ZNF284: variants seen among roughly 807,000 people sequenced by gnomAD.
The protein encoded by ZNF284 is zinc finger protein 284.
In ZNF284, 12 loss-of-function variants were observed where a neutral mutation model predicts 12.9. The observed-to-expected ratio is 0.93, with a 90% CI of 0.60 to 1.51. The LOEUF (loss-of-function observed/expected upper bound fraction) is 1.51. Among genes scored for constraint, ZNF284 ranks in the 40% most tolerant of loss-of-function variants. The pLI is 0.00. For synonymous variants in ZNF284, 225 were observed against 236.5 expected (o/e 0.95, Z 0.45); for missense variants, 667 against 707.3 (o/e 0.94, Z 0.65).
intron 2 of ZNF284, among the ~76,000 whole-genome samples, chr19:44,080,158 C>T (rs529307492): frequency 5.3e-5 from 8 of 152,318 alleles, no homozygotes; most frequent in Admixed American, 2.0e-4. Context: ...AGCACACACA[C>T]TCAGTGTGAT....
chr19:44,085,671 A>T (rs1288620791), intron 4 of ZNF284, 43 bp from the exon 5 acceptor site: 1 of 1,509,622 alleles, frequency 6.6e-7, no homozygotes, highest in South Asian at 1.3e-5. Context: ...ACACTGAACA[A>T]AGGTTTCACT....
intron 2 of ZNF284, 148 bp downstream of exon 2, chr19:44,076,552 G>A: frequency 1.3e-6 from 1 of 780,846 alleles, no homozygotes; most frequent in Non-Finnish European, 2.0e-6. Flanking sequence ...TTTCTTTTGT[G>A]TTGAATTTGC....
intron 2 of ZNF284, among the ~76,000 whole-genome samples, chr19:44,079,818 T>C (rs112561046): frequency 0.057 from 8,588 of 151,828 alleles, 733 homozygotes; most frequent in African/African-American, 0.19. Context: ...ATCCCAGCTA[T>C]TCAGGAGGCT....
At chr19:44,083,474 T>TATAG (rs746837013) in intron 4 of ZNF284, among the ~76,000 whole-genome samples, 1,867 of 64,814 alleles carry the variant, frequency 0.029, 83 homozygotes, top group Non-Finnish European at 0.041. Flanking sequence ...TATATATATA[T>TATAG]AGAGAGAGAG....
At chr19:44,084,752 A>G (rs1342960010) in intron 4 of ZNF284, among the ~76,000 whole-genome samples, 2 of 152,150 alleles carry the variant, frequency 1.3e-5, no homozygotes, top group South Asian at 4.1e-4. Context: ...GGGCATGTCC[A>G]TGGGGCTTCA....
intron 1 of ZNF284, among the ~76,000 whole-genome samples, chr19:44,074,380 AT>A (rs1010968317): frequency 5.3e-5 from 8 of 151,272 alleles, no homozygotes; most frequent in African/African-American, 1.9e-4. Context: ...AAAAAAAAAA[AT>A]ATTTAACGTT....
At position 44,087,280 on chromosome 19, in the gene ZNF284, G is replaced by A. The variant is rs753316007; in HGVS notation, c.*20G>A. 2 of 1,466,614 alleles carry A rather than the reference G, an allele frequency of 1.4e-6. No homozygotes were observed. Among genetic ancestry groups the A allele is most frequent in the Non-Finnish European group, 1.8e-6 (2 of 1,094,638 alleles). 90.9% of individuals were successfully genotyped at this position (1,466,614 alleles called of 1,614,324 possible). A position where few individuals can be genotyped will look rare whatever the true frequency, so the allele number is the denominator to read the frequency against. On this transcript the variant is annotated 3_prime_UTR_variant, in exon 5 of 5. Coordinates refer to ENST00000421176, the MANE Select transcript of ZNF284 (RefSeq NM_001037813.4). ...ATATAATTATTGTCCATATTTATGG[G>A]TTACAGCATATTTCAATACATGTAT...
intron 2 of ZNF284, among the ~76,000 whole-genome samples, chr19:44,078,313 C>T (rs538472944): frequency 1.3e-5 from 2 of 152,158 alleles, no homozygotes; most frequent in East Asian, 1.9e-4. Flanking sequence ...TGATAATCTG[C>T]TTTTGGCTAT....
At chr19:44,081,927 CA>C in intron 3 of ZNF284, 85 bp from the exon 4 acceptor site, 1 of 1,040,534 alleles carries the variant, frequency 9.6e-7, no homozygotes. Flanking sequence ...TATCAGTGTT[CA>C]AGTTCGAGTG....
rs746837013 is a variant in ZNF284 at position 44,083,474 on chromosome 19, T to TATATATAGAG, written c.235+1370_235+1371insTATATAGAGA. Among the ~76,000 whole-genome samples the TATATATAGAG allele has an allele frequency of 9.1e-4, 59 of 64,912 alleles. 1 individual carries two copies. The highest frequency in any genetic ancestry group is 2.4e-3 in the African/African-American group (48 of 20,190). The allele number at this position is 64,912 out of a possible 152,430, so 42.6% of individuals were successfully genotyped here. A position where few individuals can be genotyped will look rare whatever the true frequency, so the allele number is the denominator to read the frequency against. On this transcript the variant is annotated intron_variant, in intron 4 of 4. Transcript: ENST00000421176. ...AAATATATATATATATATATATATA[T>TATATATAGAG]AGAGAGAGAGAGAGAGAGAGAGAGA...
chr19:44,086,438 T>C lies in ZNF284; in HGVS notation c.960T>C (p.Cys320=), dbSNP rs530667290. 2.5e-6 allele frequency: 4 copies of C among 1,614,068 alleles called. No individual in the cohort carries two copies. In the Admixed American group the frequency reaches 6.7e-5, roughly 27 times the overall value. The part of the protein sequence containing the change: ...MQEKSFRCDT[C]SNSFGQRSAL... ...AGAAATCATTTAGATGTGATACCTG[T>C]AGTAATAGCTTTGGTCAGAGATCAG... The change falls in exon 5 of 5, where the codon TGT becomes TGC. Residue 320 remains cysteine, a synonymous_variant. Transcript: ENST00000421176.
chr19:44,081,150 A>T lies in ZNF284; in HGVS notation c.142+9A>T. 1 of 1,607,996 alleles carries T rather than the reference A, an allele frequency of 6.2e-7. No individual in the cohort carries two copies. The highest frequency in any genetic ancestry group is 8.5e-7 in the Non-Finnish European group (1 of 1,176,146). On this transcript the variant is annotated intron_variant, in intron 3 of 4. Transcript: ENST00000421176. Reference sequence around the variant, plus strand: ...AAACCTGCTATCAGTGGGTGAGCACAGGCACCCTCTGTAATGGAACATCAG... The same window carrying T: ...AAACCTGCTATCAGTGGGTGAGCACTGGCACCCTCTGTAATGGAACATCAG...
intron 3 of ZNF284, among the ~76,000 whole-genome samples, chr19:44,081,420 C>T (rs1466827301): frequency 2.0e-5 from 3 of 151,986 alleles, no homozygotes; most frequent in Non-Finnish European, 4.4e-5. Flanking sequence ...CTTATAAAAC[C>T]ATCAGATAGG....
intron 2 of ZNF284, among the ~76,000 whole-genome samples, 165 bp downstream of exon 2, chr19:44,076,569 A>C (rs1260920518): frequency 6.6e-6 from 1 of 151,946 alleles, no homozygotes; most frequent in Non-Finnish European, 1.5e-5. Flanking sequence ...TTGCGTTTGG[A>C]TTTGATTTTG....
chr19:44,081,918 A>C, intron 3 of ZNF284, 95 bp from the exon 4 acceptor site: 1 of 918,208 alleles, frequency 1.1e-6, no homozygotes, highest in Non-Finnish European at 1.7e-6. Context: ...GCCAAACCAT[A>C]TCAGTGTTCA....
chr19:44,079,183 A>G (rs1751818975), intron 2 of ZNF284, among the ~76,000 whole-genome samples: 1 of 152,242 alleles, frequency 6.6e-6, no homozygotes, highest in Admixed American at 6.5e-5. Context: ...ATAAAATTAA[A>G]TATTCATTAT....
chr19:44,081,422 T>C (rs1055083866), intron 3 of ZNF284, among the ~76,000 whole-genome samples: 8 of 151,914 alleles, frequency 5.3e-5, no homozygotes, highest in African/African-American at 1.9e-4. Context: ...TATAAAACCA[T>C]CAGATAGGGC....
rs1292302011 is a variant in ZNF284 at position 44,086,471 on chromosome 19, T to C, written c.993T>C (p.Asn331=). 2 of 1,614,190 alleles carry C rather than the reference T, an allele frequency of 1.2e-6. No individual in the cohort carries two copies. Among genetic ancestry groups the C allele is most frequent in the South Asian group, 1.1e-5 (1 of 91,080 alleles). ...GCTTTGGTCAGAGATCAGCACTTAATAGTCATTGCATGGACCACACAAAAG... is the reference window on the plus strand; with the variant it reads ...GCTTTGGTCAGAGATCAGCACTTAACAGTCATTGCATGGACCACACAAAAG... ...SNSFGQRSAL[N]SHCMDHTKEK... The change falls in exon 5 of 5, where the codon AAT becomes AAC. Residue 331 remains asparagine (N), a synonymous_variant. Transcript: ENST00000421176.
At chr19:44,079,371 A>G (rs1261100078) in intron 2 of ZNF284, among the ~76,000 whole-genome samples, 3 of 152,204 alleles carry the variant, frequency 2.0e-5, no homozygotes, top group African/African-American at 7.2e-5. Context: ...AGGTGGGCAG[A>G]TCACCTGAGG....
Sources: gnomAD v4.1 joint callset for allele counts (sites outside exome capture counted in the v4.1 genomes callset) on GRCh38, gnomAD v4.1.1 for gene constraint, MANE v1.5 for transcripts, NCBI Gene and HGNC (gene_info 2026-07-23, HGNC 2026-07-21) for gene names.